The following CDH15 variants were observed in gnomAD, a reference collection of about 807,000 sequenced individuals.
The protein encoded by CDH15 is cadherin-15.
In CDH15, 73 loss-of-function variants were observed where a neutral mutation model predicts 69.4. That is an observed-to-expected ratio of 1.05 (90% CI 0.87 to 1.28). The LOEUF is 1.28. Among genes scored for constraint, CDH15 ranks in the 50% most tolerant of loss-of-function variants. The pLI is 0.00. For synonymous variants in CDH15, 624 were observed against 507.7 expected (o/e 1.23, Z -3.08); for missense variants, 1,343 against 1,133.6 (o/e 1.18, Z -2.65).
At chr16:89,191,233 C>CTG in intron 8 of CDH15, 97 bp from the exon 9 acceptor site, 2 of 1,380,434 alleles carry the variant, frequency 1.4e-6, no homozygotes, top group Non-Finnish European at 1.0e-6. Flanking sequence ...ATGTGTGTGC[C>CTG]TGTGTGTGTG....
At chr16:89,187,932 G>A (rs1915525917) in intron 6 of CDH15, among the ~76,000 whole-genome samples, 168 bp from the exon 7 acceptor site, 1 of 150,526 alleles carries the variant, frequency 6.6e-6, no homozygotes, top group South Asian at 2.1e-4. Flanking sequence ...AGACAAACCT[G>A]AGGACACCCA....
At position 89,191,759 on chromosome 16, in the gene CDH15, G is replaced by C. The variant is rs751116167; in HGVS notation, c.1480G>C (p.Glu494Gln). 6.2e-7 allele frequency: 1 copy of C among 1,606,334 alleles called. No homozygotes were observed. Among genetic ancestry groups the C allele is most frequent in the Non-Finnish European group, 8.5e-7 (1 of 1,179,532 alleles). Residue 494 changes from glutamate to glutamine, a missense_variant, in exon 10 of 14, where the codon GAG becomes CAG. Coordinates refer to ENST00000289746, the MANE Select transcript of CDH15 (RefSeq NM_004933.3). ...APPPPGSLCSEPHQGPGLLLG... is the reference protein window; with the variant it reads ...APPPPGSLCSQPHQGPGLLLG... The stretch of plus-strand genomic sequence containing the variant: ...GCCGCCGCCGGGCAGCCTGTGCAGC[G>C]AGCCACACCAAGGCCCAGGCCTCCT...
At chr16:89,180,085 C>G (rs935127758) in intron 2 of CDH15, 115 bp from the exon 3 acceptor site, 1 of 1,161,784 alleles carries the variant, frequency 8.6e-7, no homozygotes, top group Non-Finnish European at 1.2e-6. Flanking sequence ...GTCCTCCAGT[C>G]CTAGGAGACT....
chr16:89,177,748 C>T (rs1915289584), intron 1 of CDH15, among the ~76,000 whole-genome samples: 1 of 152,222 alleles, frequency 6.6e-6, no homozygotes, highest in South Asian at 2.1e-4. Context: ...TCGAGGGTGA[C>T]CCCCATGTCC....
chr16:89,194,940 T>C lies in CDH15; in HGVS notation c.2230T>C (p.Ser744Pro), dbSNP rs1265993505. The C allele has an allele frequency of 1.2e-6, 2 of 1,608,640 alleles. No homozygotes were observed. The highest frequency in any genetic ancestry group is 3.4e-5 in the Admixed American group (2 of 59,566). The change falls in exon 14 of 14, where the codon TCG becomes CCG. Residue 744 changes from serine to proline, a missense_variant. Coordinates refer to ENST00000289746, the MANE Select transcript of CDH15 (RefSeq NM_004933.3). ...CATCTATGACTACGAGGGTGACGGC[T>C]CGGTGGCGGGGACGCTGAGCTCCAT... ...ALIYDYEGDG[S>P]VAGTLSSILS...
At chr16:89,190,768 G>T (rs1362373806) in intron 8 of CDH15, among the ~76,000 whole-genome samples, 1 of 152,106 alleles carries the variant, frequency 6.6e-6, no homozygotes, top group Admixed American at 6.5e-5. Context: ...GCTCCCAAGG[G>T]ACTGGCCGTT....
Position 89,190,537 on chromosome 16 carries a change from C to T in CDH15, c.1232+41C>T, listed in dbSNP as rs749529187. The T allele has an allele frequency of 1.1e-5, 17 of 1,562,336 alleles. No homozygotes were observed. The East Asian group carries it at 1.2e-4, about 11-fold the overall frequency. On this transcript the variant is annotated intron_variant, in intron 8 of 13. Coordinates refer to ENST00000289746, the MANE Select transcript of CDH15 (RefSeq NM_004933.3). ...CCCTGGGAGAGGTAGAGGAGGCTAA[C>T]GGCCCCATTCCTGCTTCGGGTGCCC...
rs1319263750 is a variant in CDH15 at position 89,190,514 on chromosome 16, C to T, written c.1232+18C>T. On this transcript the variant is annotated intron_variant, in intron 8 of 13. Coordinates refer to ENST00000289746, the MANE Select transcript of CDH15 (RefSeq NM_004933.3). ...AGGCTCAGGTGGGGCTCCTGAGGCC[C>T]TGGGAGAGGTAGAGGAGGCTAACGG... 1.9e-6 allele frequency: 3 copies of T among 1,579,434 alleles called. No individual in the cohort carries two copies. The highest frequency in any genetic ancestry group is 1.7e-4 in the Middle Eastern group (1 of 5,932).
chr16:89,193,363 T>A (rs2151605077), intron 11 of CDH15, 107 bp from the exon 12 acceptor site: 43 of 426,240 alleles, frequency 1.0e-4, no homozygotes, highest in East Asian at 3.4e-4. Context: ...CCACCCCTGC[T>A]TACCAGCCTT....
intron 1 of CDH15, among the ~76,000 whole-genome samples, chr16:89,174,487 C>T (rs1055070580): frequency 6.6e-6 from 1 of 152,248 alleles, no homozygotes; most frequent in Non-Finnish European, 1.5e-5. Context: ...TGTTCGTAAA[C>T]CCCATTCCCA....
chr16:89,193,307 C>T (rs1915700627), intron 11 of CDH15, among the ~76,000 whole-genome samples, 163 bp from the exon 12 acceptor site: 1 of 146,708 alleles, frequency 6.8e-6, no homozygotes, highest in African/African-American at 2.6e-5. Flanking sequence ...AACCCCGGCT[C>T]CTCCATGCCA....
rs754606723 is a variant in CDH15 at position 89,191,761 on chromosome 16, G to C, written c.1482G>C (p.Glu494Asp). The C allele has an allele frequency of 7.5e-6, 12 of 1,606,362 alleles. No homozygotes were observed. The highest frequency in any genetic ancestry group is 6.7e-5 in the East Asian group (3 of 44,860). The part of the protein sequence containing the change: ...APPPPGSLCS[E>D]PHQGPGLLLG... ...CGCCGCCGGGCAGCCTGTGCAGCGA[G>C]CCACACCAAGGCCCAGGCCTCCTCC... Residue 494 changes from glutamate to aspartate, a missense_variant, in exon 10 of 14, where the codon GAG (glutamate) becomes GAC (aspartate). By Grantham distance (45) the Glu-to-Asp change is conservative. Coordinates refer to ENST00000289746, the MANE Select transcript of CDH15 (RefSeq NM_004933.3).
rs1054903886 is a variant in CDH15, at chr16:89,195,370, G to A, written c.*215G>A. On this transcript the variant is annotated 3_prime_UTR_variant, in exon 14 of 14. Coordinates refer to ENST00000289746, the MANE Select transcript of CDH15 (RefSeq NM_004933.3). ...GGGTGGGAAGAGTTTCTCTCCATCG[G>A]CCCCATGCGGGTCACCTCCCTAGTC... 5 of 586,774 alleles carry A rather than the reference G, an allele frequency of 8.5e-6. No homozygotes were observed. The East Asian group carries it at 1.4e-4, about 16-fold the overall frequency. The allele number at this position is 586,774 out of a possible 1,614,324, so 36.3% of individuals were successfully genotyped here.
At chr16:89,173,092 G>A (rs552393143) in intron 1 of CDH15, among the ~76,000 whole-genome samples, 13 of 152,100 alleles carry the variant, frequency 8.5e-5, no homozygotes, top group Non-Finnish European at 1.3e-4. Flanking sequence ...AGGGCACCAC[G>A]GCTCCTGCCA....
intron 3 of CDH15, 39 bp from the exon 4 acceptor site, chr16:89,183,509 G>A (rs368175482): frequency 6.2e-7 from 1 of 1,613,144 alleles, no homozygotes; most frequent in Non-Finnish European, 8.5e-7. Flanking sequence ...ACAGAAATTT[G>A]GGGGCCACAG....
chr16:89,174,469 C>T (rs1029123779), intron 1 of CDH15, among the ~76,000 whole-genome samples: 1 of 152,230 alleles, frequency 6.6e-6, no homozygotes, highest in African/African-American at 2.4e-5. Flanking sequence ...GTTCCCGTCT[C>T]GCAGTGGTGT....
chr16:89,191,107 T>C (rs72819368), intron 8 of CDH15, among the ~76,000 whole-genome samples: 24,373 of 151,204 alleles, frequency 0.16, 2,309 homozygotes, highest in East Asian at 0.35. Context: ...TATATGTGCA[T>C]GTGTGTGTGC....
chr16:89,184,445 G>C lies in CDH15; in HGVS notation c.503-728G>C, dbSNP rs543121822. Among the ~76,000 whole-genome samples the C allele has an allele frequency of 6.6e-5, 10 of 152,294 alleles. No individual in the cohort carries two copies. In the South Asian group the frequency reaches 1.7e-3, roughly 25 times the overall value. On this transcript the variant is annotated intron_variant, in intron 4 of 13. Transcript: ENST00000289746. ...AAATCTCAGGAGAGGGAAATGGGGG[G>C]AGGTGAAACCTGGTCCTGCCATATG...
rs1309231249 is a variant in CDH15 at position 89,195,166 on chromosome 16, C to T, written c.*11C>T. ...GGCCGGACAGCCTGACCCTGGGGCG[C>T]AACTGGACATGCCACTCCCCGGCCT... On this transcript the variant is annotated 3_prime_UTR_variant, in exon 14 of 14. Transcript: ENST00000289746. 1 of 1,567,768 alleles carries T rather than the reference C, an allele frequency of 6.4e-7. No homozygotes were observed. Among genetic ancestry groups the T allele is most frequent in the African/African-American group, 1.3e-5 (1 of 74,400 alleles).
Sources: gnomAD v4.1 joint callset for allele counts (sites outside exome capture counted in the v4.1 genomes callset) on GRCh38, gnomAD v4.1.1 for gene constraint, MANE v1.5 for transcripts, NCBI Gene and HGNC (gene_info 2026-07-23, HGNC 2026-07-21) for gene names.